The following MALRD1 variants were observed in gnomAD, a reference collection of about 807,000 sequenced individuals.
MALRD1 encodes MAM and LDL receptor class A domain containing 1.
MALRD1 carries 247 observed loss-of-function variants against 242.1 expected under a neutral mutation model. That is an observed-to-expected ratio of 1.02 (90% CI 0.92 to 1.13). The LOEUF is 1.13. Ranked by LOEUF, MALRD1 falls within the 50% of genes most tolerant of loss-of-function variation. The pLI, the probability that MALRD1 is intolerant of heterozygous loss-of-function variation, is 0.00. For missense variants in MALRD1, 2,989 were observed against 2,533.1 expected, an observed-to-expected ratio of 1.18 and a Z score of -3.86; for synonymous variants, 995 against 866.6, an observed-to-expected ratio of 1.15 and a Z score of -2.60.
chr10:19,618,621 T>A (rs1269707192), intron 36 of MALRD1, among the ~76,000 whole-genome samples: 3 of 152,112 alleles, frequency 2.0e-5, no homozygotes, highest in Non-Finnish European at 4.4e-5. Context: ...ATTGGCAGCA[T>A]GTGTGTCTTC....
intron 36 of MALRD1, among the ~76,000 whole-genome samples, chr10:19,624,429 C>A (rs1048837708): frequency 2.0e-5 from 3 of 152,078 alleles, no homozygotes; most frequent in Non-Finnish European, 2.9e-5. Context: ...TGTTCTGTAG[C>A]TTTCTTTCAT....
At chr10:19,216,744 G>A (rs955191624) in intron 18 of MALRD1, among the ~76,000 whole-genome samples, 3 of 151,766 alleles carry the variant, frequency 2.0e-5, no homozygotes, top group Non-Finnish European at 4.4e-5. Context: ...AGGAGATCGA[G>A]ACCATCCTGG....
intron 21 of MALRD1, among the ~76,000 whole-genome samples, chr10:19,287,402 G>T: frequency 6.6e-6 from 1 of 151,864 alleles, no homozygotes; most frequent in South Asian, 2.1e-4. Context: ...CCCTCCCATC[G>T]TTCCGACTGT....
rs557674113 is a variant in MALRD1 at position 19,205,055 on chromosome 10, T to C, written c.2368T>C (p.Leu790=). 47 of 1,550,722 alleles carry C rather than the reference T, an allele frequency of 3.0e-5. No individual in the cohort carries two copies. Among genetic ancestry groups the C allele is most frequent in the Middle Eastern group, 3.3e-4 (2 of 5,994 alleles). Reference sequence around the variant, plus strand: ...AGGGCGCCTTTCGCAGCCCTTCCATTTGTCACTAGATAAAGTCAGTCTGGG... The same window carrying C: ...AGGGCGCCTTTCGCAGCCCTTCCATCTGTCACTAGATAAAGTCAGTCTGGG... ...QLGRLSQPFH[L]SLDKVSLGIY... is the part of the protein sequence containing the mutation. The change falls in exon 17 of 40, where the codon TTG becomes CTG. Residue 790 remains leucine (L), a synonymous_variant. Transcript: ENST00000454679.
At chr10:19,353,136 A>T (rs1469488383) in intron 26 of MALRD1, among the ~76,000 whole-genome samples, 1 of 151,794 alleles carries the variant, frequency 6.6e-6, no homozygotes, top group Non-Finnish European at 1.5e-5. Flanking sequence ...CCTCCTGAAT[A>T]GCTGGGTTTA....
At chr10:19,331,085 A>G (rs1407111718) in intron 23 of MALRD1, among the ~76,000 whole-genome samples, 1 of 152,120 alleles carries the variant, frequency 6.6e-6, no homozygotes, top group African/African-American at 2.4e-5. Flanking sequence ...GCAGTAGTGG[A>G]TTGGTGTCTC....
chr10:19,730,241 T>A (rs997162511), intron 38 of MALRD1, among the ~76,000 whole-genome samples: 1 of 152,224 alleles, frequency 6.6e-6, no homozygotes, highest in Non-Finnish European at 1.5e-5. Flanking sequence ...AGACTATGAC[T>A]CATGTGCTAC....
At chr10:19,449,380 T>C (rs567607427) in intron 28 of MALRD1, among the ~76,000 whole-genome samples, 3 of 152,170 alleles carry the variant, frequency 2.0e-5, no homozygotes, top group Admixed American at 1.3e-4. Flanking sequence ...TTTCACCATA[T>C]TGGCCAAGAT....
At chr10:19,303,706 G>A (rs566468908) in intron 21 of MALRD1, among the ~76,000 whole-genome samples, 3 of 151,534 alleles carry the variant, frequency 2.0e-5, no homozygotes, top group Non-Finnish European at 3.0e-5. Flanking sequence ...TCTTTTCAAC[G>A]TGTAATCAAT....
Position 19,349,895 on chromosome 10 carries a change from C to G in MALRD1, c.4149+1877C>G, listed in dbSNP as rs143250312. 9.2e-5 allele frequency among the ~76,000 whole-genome samples: 14 copies of G among 152,004 alleles called. No homozygotes were observed. In the East Asian group the frequency reaches 2.7e-3, roughly 30 times the overall value. On this transcript the variant is annotated intron_variant, in intron 25 of 39. Transcript: ENST00000454679. ...TAAGATTTCATCCATTGCTATATTC[C>G]CCTGGTCCCAGAACTAGAGTCCCCA...
At chr10:19,128,105 G>A in intron 7 of MALRD1, 116 bp from the exon 8 acceptor site, 6 of 647,252 alleles carry the variant, frequency 9.3e-6, no homozygotes, top group African/African-American at 1.9e-5. Context: ...ATCCTTTTAA[G>A]TAAAATATTT....
At chr10:19,603,903 T>C (rs980189630) in intron 34 of MALRD1, among the ~76,000 whole-genome samples, 7 of 152,156 alleles carry the variant, frequency 4.6e-5, no homozygotes, top group African/African-American at 1.7e-4. Flanking sequence ...ATGTTCTGAC[T>C]GCTCCACCAA....
At chr10:19,513,632 G>T (rs898696735) in intron 31 of MALRD1, among the ~76,000 whole-genome samples, 4 of 151,858 alleles carry the variant, frequency 2.6e-5, no homozygotes, top group Admixed American at 1.3e-4. Context: ...CCAGCTACTC[G>T]GGAGGCTGAG....
At chr10:19,600,609 C>T (rs1838299123) in intron 34 of MALRD1, among the ~76,000 whole-genome samples, 1 of 152,140 alleles carries the variant, frequency 6.6e-6, no homozygotes, top group South Asian at 2.1e-4. Flanking sequence ...GAAATATTGA[C>T]CTGCTGCATA....
intron 28 of MALRD1, among the ~76,000 whole-genome samples, chr10:19,433,881 C>T (rs796896135): frequency 7.2e-5 from 11 of 152,096 alleles, no homozygotes; most frequent in African/African-American, 2.7e-4. Context: ...AACACACACA[C>T]ACACACACGC....
chr10:19,246,963 T>C (rs1309305827), intron 18 of MALRD1, among the ~76,000 whole-genome samples: 1 of 152,082 alleles, frequency 6.6e-6, no homozygotes, highest in African/African-American at 2.4e-5. Context: ...TTTCTTTAGT[T>C]GTATGACTTA....
chr10:19,166,954 T>A (rs1834709949), intron 13 of MALRD1, among the ~76,000 whole-genome samples: 1 of 152,198 alleles, frequency 6.6e-6, no homozygotes, highest in Non-Finnish European at 1.5e-5. Flanking sequence ...TGCATCAAAT[T>A]TCCTAATGTG....
intron 32 of MALRD1, among the ~76,000 whole-genome samples, chr10:19,536,686 TA>T (rs894224367): frequency 2.1e-3 from 313 of 149,962 alleles, no homozygotes; most frequent in African/African-American, 7.3e-3. Context: ...TACAAAATAA[TA>T]AAAAAAAAAT....
At chr10:19,444,703 C>T (rs373486244) in intron 28 of MALRD1, among the ~76,000 whole-genome samples, 2 of 152,114 alleles carry the variant, frequency 1.3e-5, no homozygotes, top group Non-Finnish European at 2.9e-5. Context: ...GCATCCCTTT[C>T]GTGGGTAACC....
Sources: allele counts gnomAD v4.1 joint callset (sites outside exome capture counted in the v4.1 genomes callset), GRCh38; gene constraint gnomAD v4.1.1; transcripts MANE v1.5; gene names NCBI Gene and HGNC (gene_info 2026-07-23, HGNC 2026-07-21).